The following ODF2L variants were observed in gnomAD, a reference collection of about 807,000 sequenced individuals.
The protein encoded by ODF2L is outer dense fiber of sperm tails 2 like.
ODF2L carries 76 observed loss-of-function variants against 86.3 expected under a neutral mutation model. That is an observed-to-expected ratio of 0.88 (90% CI 0.73 to 1.07). The LOEUF (loss-of-function observed/expected upper bound fraction) is 1.07. ODF2L is among the 50% of genes least tolerant of loss of function. The pLI, the probability that ODF2L is intolerant of heterozygous loss-of-function variation, is 0.00. For missense variants in ODF2L, 748 were observed against 717.4 expected, an observed-to-expected ratio of 1.04 and a Z score of -0.49; for synonymous variants, 241 against 231.3, an observed-to-expected ratio of 1.04 and a Z score of -0.38.
chr1:86,385,735 G>A (rs1184630640), intron 2 of ODF2L, 145 bp from the exon 3 acceptor site: 23 of 524,646 alleles, frequency 4.4e-5, no homozygotes, highest in East Asian at 3.1e-5. Flanking sequence ...GACTTTGAGT[G>A]TAAGCAAATT....
At chr1:86,349,469 TA>T (rs1206981010), downstream of ODF2L, 1 of 152,104 alleles carries the variant, frequency 6.6e-6, no homozygotes, top group African/African-American at 2.4e-5. Context: ...AGCCTCCAAT[TA>T]AAATATAGAC....
intron 11 of ODF2L, among the ~76,000 whole-genome samples, chr1:86,361,756 A>C (rs980802134): frequency 6.6e-6 from 1 of 152,184 alleles, no homozygotes; most frequent in South Asian, 2.1e-4. Flanking sequence ...AATATAAAAA[A>C]TAATGAGTAG....
chr1:86,361,460 A>G lies in ODF2L; in HGVS notation c.1144-924T>C, dbSNP rs1240263259. ...TTCCAAGGATATCTACTATACAAAC[A>G]TCCTTCAAAAGACAGTCTACATGGA... On this transcript the variant is annotated intron_variant, in intron 11 of 17. Transcript: ENST00000317336. Among the ~76,000 whole-genome samples the G allele has an allele frequency of 3.9e-5, 6 of 152,290 alleles. No individual in the cohort carries two copies. The East Asian group carries it at 1.2e-3, about 29-fold the overall frequency.
chr1:86,376,736 C>A (rs145424457), intron 7 of ODF2L, among the ~76,000 whole-genome samples: 3 of 152,026 alleles, frequency 2.0e-5, no homozygotes, highest in African/African-American at 7.2e-5. Context: ...TCAGGTCTCA[C>A]GAGAACTCAC....
At chr1:86,395,374 CG>C (rs1471469449) in intron 1 of ODF2L, among the ~76,000 whole-genome samples, 3 of 152,128 alleles carry the variant, frequency 2.0e-5, no homozygotes, top group African/African-American at 7.2e-5. Flanking sequence ...TACTTAATCT[CG>C]TATTACAACC....
rs1382309596 is a variant in ODF2L, at chr1:86,385,452, AC to A, written c.246+5del. On this transcript the variant is annotated splice_donor_5th_base_variant and intron_variant, in intron 3 of 17. Coordinates refer to ENST00000317336, the Ensembl canonical transcript of ODF2L. ...TCATTTTATTATATATTCATAAGTC[AC>A]TCACATTTTCAAAATTAATCTTTTC... 1 of 1,546,812 alleles carries A rather than the reference AC, an allele frequency of 6.5e-7. No homozygotes were observed. Among genetic ancestry groups the A allele is most frequent in the Non-Finnish European group, 8.9e-7 (1 of 1,123,348 alleles).
rs956251379 is a variant in ODF2L, at chr1:86,355,470, G to A, written c.1519-611C>T. ...TTAGTAATTTAGGCTAATCTATGTC[G>A]TTTGACATTTTACTAGAAAAATCTC... On this transcript the variant is annotated intron_variant, in intron 14 of 17. Transcript: ENST00000317336. The A allele has an allele frequency of 6.3e-5, 45 of 714,860 alleles. No homozygotes were observed. In the Middle Eastern group the frequency reaches 9.7e-4, roughly 15 times the overall value. 44.3% of individuals were successfully genotyped at this position (714,860 alleles called of 1,614,324 possible).
chr1:86,347,827 C>A (rs928468519), downstream of ODF2L: 3 of 152,142 alleles, frequency 2.0e-5, no homozygotes, highest in African/African-American at 7.2e-5. Flanking sequence ...ACCACGTCAT[C>A]CCCTTTTAGA....
chr1:86,359,519 C>CTTTTTT (rs5775904), intron 12 of ODF2L, among the ~76,000 whole-genome samples: 2 of 95,110 alleles, frequency 2.1e-5, no homozygotes, highest in South Asian at 4.0e-4. Flanking sequence ...TTAGTTCATT[C>CTTTTTT]TTTTTTTTTT....
rs200026370 is a variant in ODF2L, at chr1:86,381,626, A to AG, written c.624+615dup. Among the ~76,000 whole-genome samples the AG allele has an allele frequency of 8.2e-3, 1,248 of 152,146 alleles. 13 individuals carry two copies. The highest frequency in any genetic ancestry group is 0.034 in the Middle Eastern group (10 of 292). ...CTTTGCCTTTGGCGGAAAAAAAAAAAGAGTTACCTTATATTGTATGATATG... is the reference window on the plus strand; with the variant it reads ...CTTTGCCTTTGGCGGAAAAAAAAAAAGGAGTTACCTTATATTGTATGATATG... On this transcript the variant is annotated intron_variant, in intron 7 of 17. Coordinates refer to ENST00000317336, the Ensembl canonical transcript of ODF2L.
chr1:86,365,741 G>A (rs906746991), intron 11 of ODF2L, among the ~76,000 whole-genome samples: 1 of 152,140 alleles, frequency 6.6e-6, no homozygotes, highest in Non-Finnish European at 1.5e-5. Context: ...TAATGAATCA[G>A]GAGTGGATTT....
exon 17 of ODF2L, chr1:86,352,921 G>T (rs1658249934): frequency 1.9e-6 from 3 of 1,544,270 alleles, no homozygotes; most frequent in Non-Finnish European, 2.7e-6. Flanking sequence ...TCAGTTTCCA[G>T]ATCTAATATT....
exon 12 of ODF2L, chr1:86,360,499 A>T: frequency 6.2e-7 from 1 of 1,601,272 alleles, no homozygotes; most frequent in South Asian, 1.1e-5. Flanking sequence ...TTCATTTTCA[A>T]CAGATACAAC....
At chr1:86,356,639 C>T (rs745930503) in intron 13 of ODF2L, 37 bp from the exon 13 acceptor site, 5 of 1,567,342 alleles carry the variant, frequency 3.2e-6, no homozygotes, top group East Asian at 4.5e-5. Context: ...TGCAAGATCA[C>T]ACATTCAGCA....
At chr1:86,389,077 T>C (rs1392230939) in intron 1 of ODF2L, among the ~76,000 whole-genome samples, 1 of 152,146 alleles carries the variant, frequency 6.6e-6, no homozygotes, top group Non-Finnish European at 1.5e-5. Context: ...AAAAAATAAG[T>C]GTTGAACAAA....
In ODF2L at chr1:86,360,435, A is replaced by C; in HGVS notation, c.1245T>G (p.Tyr415Ter). Residue 415 changes from tyrosine (Y) to a stop codon, truncating the protein, a stop_gained, in exon 12 of 18, where the codon TAT becomes TAG. Coordinates refer to ENST00000317336, the Ensembl canonical transcript of ODF2L. LOFTEE classifies it high-confidence loss of function. ...TAAATGCAGTAGTCACCTGAGTTTTATACATTTCAATAAGGGTTTTCTGTT... is the reference window on the plus strand; with the variant it reads ...TAAATGCAGTAGTCACCTGAGTTTTCTACATTTCAATAAGGGTTTTCTGTT... 1 of 1,480,768 alleles carries C rather than the reference A, an allele frequency of 6.8e-7. No homozygotes were observed. Among genetic ancestry groups the C allele is most frequent in the Non-Finnish European group, 9.4e-7 (1 of 1,064,830 alleles). 91.7% of individuals were successfully genotyped at this position (1,480,768 alleles called of 1,614,324 possible). A position where few individuals can be genotyped will look rare whatever the true frequency, so the allele number is the denominator to read the frequency against.
chr1:86,351,601 T>G (rs1302280031), exon 18 of ODF2L: 1 of 152,288 alleles, frequency 6.6e-6, no homozygotes, highest in African/African-American at 2.4e-5. Context: ...CATATGAAAT[T>G]TGAAGTAGTT....
chr1:86,359,105 A>G (rs1658811952), intron 12 of ODF2L, among the ~76,000 whole-genome samples: 1 of 152,142 alleles, frequency 6.6e-6, no homozygotes, highest in African/African-American at 2.4e-5. Flanking sequence ...TCTCTCATCA[A>G]TACTTCTAAA....
chr1:86,376,271 C>T (rs780146080), exon 8 of ODF2L: 4 of 1,612,208 alleles, frequency 2.5e-6, no homozygotes, highest in Non-Finnish European at 3.4e-6. Flanking sequence ...TCAATAGCTC[C>T]TGTAAAATGG....
Sources: allele counts gnomAD v4.1 joint callset (sites outside exome capture counted in the v4.1 genomes callset), GRCh38; gene constraint gnomAD v4.1.1; transcripts MANE v1.5; gene names NCBI Gene and HGNC (gene_info 2026-07-23, HGNC 2026-07-21).